Variants in UGT8 observed in about 807,000 individuals in gnomAD.
UGT8 encodes the protein UDP glycosyltransferase 8.
Under a neutral mutation model 40.5 loss-of-function variants are expected in UGT8, and 12 were observed. The ratio of observed to expected loss-of-function variants is 0.30; its 90% CI spans 0.19 to 0.48. UGT8 has a LOEUF of 0.48. UGT8 is among the 20% of genes least tolerant of loss of function. UGT8 has a pLI of 0.99. For synonymous variants in UGT8, 224 were observed against 240.4 expected (o/e 0.93, Z 0.63); for missense variants, 513 against 648.7 (o/e 0.79, Z 2.27).
At chr4:114,626,340 T>C (rs1261539474) in intron 2 of UGT8, among the ~76,000 whole-genome samples, 1 of 152,232 alleles carries the variant, frequency 6.6e-6, no homozygotes, top group African/African-American at 2.4e-5. Flanking sequence ...GCCCAGAAAG[T>C]AGCTGCGTAG....
In UGT8 at chr4:114,618,111, T is replaced by C. The variant is rs544726697; in HGVS notation, c.-2-4768T>C. On this transcript the variant is annotated intron_variant, in intron 1 of 5. Transcript: ENST00000310836. Reference sequence around the variant, plus strand: ...GTGTTATGTTACAAGTATTTTCTGATATTAAAATTATTTTCAAACATTATT... The same window carrying C: ...GTGTTATGTTACAAGTATTTTCTGACATTAAAATTATTTTCAAACATTATT... Among the ~76,000 whole-genome samples, 171 of 152,290 alleles carry C rather than the reference T, an allele frequency of 1.1e-3. 1 individual carries two copies. The highest frequency in any genetic ancestry group is 2.0e-3 in the Non-Finnish European group (137 of 68,006).
At chr4:114,665,655 A>G (rs772311961) in intron 3 of UGT8, 25 bp from the exon 4 acceptor site, 1 of 1,579,202 alleles carries the variant, frequency 6.3e-7, no homozygotes, top group Admixed American at 1.9e-5. Context: ...TTTTTAAAAG[A>G]CTAATTGTCT....
At chr4:114,641,530 C>A (rs895818536) in intron 2 of UGT8, among the ~76,000 whole-genome samples, 2 of 152,046 alleles carry the variant, frequency 1.3e-5, no homozygotes, top group Non-Finnish European at 2.9e-5. Context: ...GTCTGTAAAC[C>A]CTAATGGATG....
chr4:114,603,004 G>GT (rs1377039470), intron 1 of UGT8, among the ~76,000 whole-genome samples: 1 of 152,184 alleles, frequency 6.6e-6, no homozygotes, highest in African/African-American at 2.4e-5. Context: ...GGTGGCTTTG[G>GT]TAAGAGAGGT....
chr4:114,601,181 A>G (rs760573109), intron 1 of UGT8, among the ~76,000 whole-genome samples: 2 of 152,232 alleles, frequency 1.3e-5, no homozygotes, highest in African/African-American at 2.4e-5. Context: ...AATGCAGTAA[A>G]TAAAGATGCT....
At chr4:114,653,166 A>C (rs955309397) in intron 2 of UGT8, among the ~76,000 whole-genome samples, 3 of 152,108 alleles carry the variant, frequency 2.0e-5, no homozygotes, top group Non-Finnish European at 4.4e-5. Context: ...CTAGTTTTCT[A>C]GTCTATATAA....
chr4:114,611,441 T>TAC (rs1194181707), intron 1 of UGT8, among the ~76,000 whole-genome samples: 22 of 113,032 alleles, frequency 1.9e-4, no homozygotes, highest in African/African-American at 8.8e-4. Context: ...TATATATATA[T>TAC]ATATACACAC....
intron 1 of UGT8, among the ~76,000 whole-genome samples, chr4:114,609,436 G>A (rs977317454): frequency 6.6e-5 from 10 of 152,148 alleles, no homozygotes; most frequent in Non-Finnish European, 1.5e-4. Flanking sequence ...CTGAATATAT[G>A]CTTTGGAATA....
In UGT8 at chr4:114,672,631, CAG is replaced by C. The variant is rs538963977; in HGVS notation, c.1263-3289_1263-3288del. 1.9e-3 allele frequency among the ~76,000 whole-genome samples: 294 copies of C among 151,674 alleles called. 1 individual carries two copies. Among genetic ancestry groups the C allele is most frequent in the African/African-American group, 6.9e-3 (284 of 41,298 alleles). On this transcript the variant is annotated intron_variant, in intron 5 of 5. Transcript: ENST00000310836. ...CTTGAACAATGAGAACGTATGGACA[CAG>C]AGAGGGGGAAGAACACACACCAGGG...
At chr4:114,605,013 T>A (rs1449133203) in intron 1 of UGT8, among the ~76,000 whole-genome samples, 1 of 152,144 alleles carries the variant, frequency 6.6e-6, no homozygotes, top group South Asian at 2.1e-4. Context: ...GGATTTCTTC[T>A]AGTTCCATGT....
intron 2 of UGT8, among the ~76,000 whole-genome samples, chr4:114,640,309 C>T (rs572253097): frequency 6.6e-6 from 1 of 152,028 alleles, no homozygotes; most frequent in South Asian, 2.1e-4. Flanking sequence ...GGATTACAGG[C>T]GTGAGCCACC....
chr4:114,609,299 A>G lies in UGT8; in HGVS notation c.-3+10325A>G, dbSNP rs150414081. Among the ~76,000 whole-genome samples, 446 of 152,346 alleles carry G rather than the reference A, an allele frequency of 2.9e-3. 1 individual carries two copies. Among genetic ancestry groups the G allele is most frequent in the South Asian group, 0.018 (88 of 4,822 alleles). ...AAAATTCCTCAGCTAAAGTAAAAAG[A>G]AAAGAGAGATAAGCTAGGTAAGATT... On this transcript the variant is annotated intron_variant, in intron 1 of 5. Coordinates refer to ENST00000310836, the MANE Select transcript of UGT8 (RefSeq NM_001128174.3).
At chr4:114,672,521 A>G (rs886111339) in intron 5 of UGT8, among the ~76,000 whole-genome samples, 3 of 152,196 alleles carry the variant, frequency 2.0e-5, no homozygotes, top group African/African-American at 7.2e-5. Context: ...TTCCAGGGAC[A>G]TGGATGAAGC....
chr4:114,656,905 T>C (rs1278835473), intron 2 of UGT8: 7 of 456,476 alleles, frequency 1.5e-5, no homozygotes, highest in Non-Finnish European at 3.1e-5. Flanking sequence ...ACAGAACATT[T>C]TGTTTATTTA....
At chr4:114,633,891 C>G (rs1732726828) in intron 2 of UGT8, among the ~76,000 whole-genome samples, 2 of 151,888 alleles carry the variant, frequency 1.3e-5, no homozygotes, top group African/African-American at 4.8e-5. Flanking sequence ...TTGCAGTGAG[C>G]CCAGATGGCG....
intron 2 of UGT8, among the ~76,000 whole-genome samples, chr4:114,631,551 G>A (rs1160317606): frequency 6.6e-6 from 1 of 152,124 alleles, no homozygotes; most frequent in Non-Finnish European, 1.5e-5. Flanking sequence ...CTTCAGTATT[G>A]TATTCTCTTT....
At chr4:114,634,654 T>C (rs1732777159) in intron 2 of UGT8, among the ~76,000 whole-genome samples, 1 of 152,218 alleles carries the variant, frequency 6.6e-6, no homozygotes, top group Non-Finnish European at 1.5e-5. Context: ...TGACTAAACT[T>C]ATACTCTCCT....
intron 1 of UGT8, among the ~76,000 whole-genome samples, chr4:114,615,764 C>T (rs1437559783): frequency 6.6e-6 from 1 of 152,228 alleles, no homozygotes. Context: ...TTCCGTTTCA[C>T]TCTCATTAAG....
intron 1 of UGT8, among the ~76,000 whole-genome samples, chr4:114,617,710 G>T (rs1398988630): frequency 1.3e-5 from 2 of 152,200 alleles, no homozygotes; most frequent in Non-Finnish European, 1.5e-5. Context: ...ATGGGCATTT[G>T]TATGAATTTT....
Sources: allele counts gnomAD v4.1 joint callset (sites outside exome capture counted in the v4.1 genomes callset), GRCh38; gene constraint gnomAD v4.1.1; transcripts MANE v1.5; gene names NCBI Gene and HGNC (gene_info 2026-07-23, HGNC 2026-07-21).